LRP1B: variants seen among roughly 807,000 people sequenced by gnomAD.
LRP1B encodes the protein low-density lipoprotein receptor-related protein 1B.
Under a neutral mutation model 556.6 loss-of-function variants are expected in LRP1B, and 217 were observed. The ratio of observed to expected loss-of-function variants is 0.39; its 90% confidence interval spans 0.35 to 0.44. The LOEUF is 0.44. LRP1B is among the 20% of genes least tolerant of loss of function. The pLI, the probability that LRP1B is intolerant of heterozygous loss-of-function variation, is 1.00. For synonymous variants in LRP1B, 2,047 were observed against 1,865.8 expected (o/e 1.10, Z -2.50); for missense variants, 5,053 against 5,620.8 (o/e 0.90, Z 3.23).
chr2:142,016,353 ATTCTAC>A (rs1222133164), intron 1 of LRP1B, among the ~76,000 whole-genome samples: 4 of 152,228 alleles, frequency 2.6e-5, no homozygotes, highest in South Asian at 2.1e-4. Flanking sequence ...ATTATAAATC[ATTCTAC>A]TATAAAGGCA....
At chr2:141,814,028 A>T (rs959604860) in intron 1 of LRP1B, among the ~76,000 whole-genome samples, 2 of 152,186 alleles carry the variant, frequency 1.3e-5, no homozygotes, top group African/African-American at 4.8e-5. Context: ...TGGAGGCAGA[A>T]GTGAAGGCTT....
Position 140,374,382 on chromosome 2 carries a change from T to C in LRP1B, c.10639-1245A>G, listed in dbSNP as rs550683146. Reference sequence around the variant, plus strand: ...CTGCTTCTTCCCAGGTTCATCCCCATATAAGGAAAAAGAGTTCACTTTCTA... The same window carrying C: ...CTGCTTCTTCCCAGGTTCATCCCCACATAAGGAAAAAGAGTTCACTTTCTA... On this transcript the variant is annotated intron_variant, in intron 68 of 90. Transcript: ENST00000389484. Among the ~76,000 whole-genome samples, 13 of 152,246 alleles carry C rather than the reference T, an allele frequency of 8.5e-5. 3 individuals are homozygous for C. In the Middle Eastern group the frequency reaches 0.031, roughly 359 times the overall value.
At chr2:142,108,189 A>T (rs1005847764) in intron 1 of LRP1B, among the ~76,000 whole-genome samples, 44 of 151,778 alleles carry the variant, frequency 2.9e-4, no homozygotes, top group Admixed American at 2.8e-3. Flanking sequence ...ATAAAAATGA[A>T]TTTATAGGGA....
At chr2:140,799,541 T>C (rs1164947674) in intron 32 of LRP1B, among the ~76,000 whole-genome samples, 1 of 152,222 alleles carries the variant, frequency 6.6e-6, no homozygotes, top group East Asian at 1.9e-4. Context: ...CATTTTTAAT[T>C]CCTGCATAAT....
chr2:140,429,214 C>T (rs1685802974), intron 66 of LRP1B, among the ~76,000 whole-genome samples: 1 of 152,160 alleles, frequency 6.6e-6, no homozygotes, highest in Admixed American at 6.5e-5. Context: ...ATAAACTCTC[C>T]TTACAGTTCC....
chr2:140,413,585 AAAAAT>A (rs1685054373), intron 66 of LRP1B, among the ~76,000 whole-genome samples: 1 of 152,262 alleles, frequency 6.6e-6, no homozygotes, highest in African/African-American at 2.4e-5. Context: ...TTACCATGTT[AAAAAT>A]AAAATTTCAT....
At chr2:141,473,517 A>T (rs1573987286) in intron 3 of LRP1B, among the ~76,000 whole-genome samples, 1 of 152,164 alleles carries the variant, frequency 6.6e-6, no homozygotes, top group African/African-American at 2.4e-5. Context: ...TCAGTTACTT[A>T]AACTAATCTC....
intron 77 of LRP1B, among the ~76,000 whole-genome samples, chr2:140,345,318 C>T (rs1201953006): frequency 6.6e-6 from 1 of 151,724 alleles, no homozygotes; most frequent in Non-Finnish European, 1.5e-5. Context: ...TTGTTGAACA[C>T]TTCTTTGTCC....
chr2:140,632,414 G>A (rs1411429958), intron 41 of LRP1B, among the ~76,000 whole-genome samples: 1 of 152,108 alleles, frequency 6.6e-6, no homozygotes, highest in African/African-American at 2.4e-5. Context: ...TACTACTCAT[G>A]AAGTAATATG....
chr2:140,863,318 C>A (rs763776564), intron 27 of LRP1B, among the ~76,000 whole-genome samples: 5 of 152,084 alleles, frequency 3.3e-5, no homozygotes, highest in Non-Finnish European at 7.4e-5. Flanking sequence ...AAAATTGTTT[C>A]TCTCCTTTTC....
chr2:141,621,528 C>G (rs577636152), intron 2 of LRP1B, among the ~76,000 whole-genome samples: 9 of 152,138 alleles, frequency 5.9e-5, no homozygotes, highest in Non-Finnish European at 2.9e-5. Context: ...TTCCCTTAAA[C>G]TACACGTAAG....
At chr2:140,762,185 A>T (rs576328103) in intron 35 of LRP1B, among the ~76,000 whole-genome samples, 1,985 of 152,182 alleles carry the variant, frequency 0.013, 39 homozygotes, top group African/African-American at 0.044. Context: ...TTATGAAACG[A>T]TTAGGGATCA....
rs549181907 is a variant in LRP1B at position 140,425,489 on chromosome 2, C to A, written c.10414+17015G>T. ...CATGATCTTGGCTCACTGCTCACTG[C>A]AACTTCCACCTCCTGGGTTCAAGCG... On this transcript the variant is annotated intron_variant, in intron 66 of 90. Coordinates refer to ENST00000389484, the MANE Select transcript of LRP1B (RefSeq NM_018557.3). Among the ~76,000 whole-genome samples the A allele has an allele frequency of 7.2e-5, 11 of 152,212 alleles. No individual in the cohort carries two copies. In the South Asian group the frequency reaches 1.0e-3, roughly 14 times the overall value.
rs1247641787 is a variant in LRP1B at position 141,795,899 on chromosome 2, T to TATATATATATATAA, written c.205+14379_205+14380insTTATATATATATAT. On this transcript the variant is annotated intron_variant, in intron 2 of 90. Transcript: ENST00000389484. The stretch of plus-strand genomic sequence containing the variant: ...ATATATATATATATATATATATATA[T>TATATATATATATAA]AATCTTTAAGCAAAATTTAACATGA... Among the ~76,000 whole-genome samples, 182 of 76,956 alleles carry TATATATATATATAA rather than the reference T, an allele frequency of 2.4e-3. 7 individuals are homozygous for TATATATATATATAA. Among genetic ancestry groups the TATATATATATATAA allele is most frequent in the South Asian group, 4.3e-3 (8 of 1,840 alleles). 50.5% of individuals were successfully genotyped at this position (76,956 alleles called of 152,430 possible).
intron 32 of LRP1B, among the ~76,000 whole-genome samples, chr2:140,780,320 T>C (rs1243758909): frequency 6.6e-6 from 1 of 152,174 alleles, no homozygotes; most frequent in Non-Finnish European, 1.5e-5. Context: ...AAATCAAAAA[T>C]TAACAAGAGG....
At chr2:141,457,993 A>G (rs116516627) in intron 3 of LRP1B, among the ~76,000 whole-genome samples, 2,569 of 152,294 alleles carry the variant, frequency 0.017, 65 homozygotes, top group African/African-American at 0.058. Flanking sequence ...GACAAATAAG[A>G]TGAGTAATAA....
rs1680544685 is a variant in LRP1B at position 140,233,228 on chromosome 2, A to G, written c.13758T>C (p.Leu4586=). Residue 4586 remains leucine (L), a synonymous_variant, in exon 91 of 91, where the codon CTT becomes CTC. Coordinates refer to ENST00000389484, the MANE Select transcript of LRP1B (RefSeq NM_018557.3). ...LGSVDERKEL[L]PKKIEIGIRE... ...TTATACCAATTTCTATTTTCTTTGG[A>G]AGCAGTTCTTTCCTTTCATCAACAC... 6.2e-7 allele frequency: 1 copy of G among 1,605,462 alleles called. No individual in the cohort carries two copies. The highest frequency in any genetic ancestry group is 1.1e-5 in the South Asian group (1 of 90,728).
chr2:140,863,737 G>C (rs374244499), intron 27 of LRP1B, among the ~76,000 whole-genome samples: 2 of 152,152 alleles, frequency 1.3e-5, no homozygotes, highest in African/African-American at 4.8e-5. Context: ...GGTTTGTTTC[G>C]TTTTTAGTAC....
At chr2:140,692,643 T>C (rs1686285749) in intron 41 of LRP1B, among the ~76,000 whole-genome samples, 1 of 152,146 alleles carries the variant, frequency 6.6e-6, no homozygotes, top group Admixed American at 6.6e-5. Context: ...TAGCATAACT[T>C]GTCCATATTT....
Sources: gnomAD v4.1 joint callset for allele counts (sites outside exome capture counted in the v4.1 genomes callset) on GRCh38, gnomAD v4.1.1 for gene constraint, MANE v1.5 for transcripts, NCBI Gene and HGNC (gene_info 2026-07-23, HGNC 2026-07-21) for gene names.